Variants in ANKRD36 observed in about 807,000 individuals in gnomAD.
The protein encoded by ANKRD36 is ankyrin repeat domain-containing protein 36A.
A neutral mutation model predicts 278.1 loss-of-function variants in ANKRD36; 179 were observed. That is an observed-to-expected ratio of 0.64 (90% CI 0.57 to 0.73). ANKRD36 has a LOEUF of 0.73. Among genes scored for constraint, ANKRD36 ranks in the 30% least tolerant of loss-of-function variants. The pLI, the probability that ANKRD36 is intolerant of heterozygous loss-of-function variation, is 0.00. For synonymous variants in ANKRD36, 320 were observed against 641.1 expected (o/e 0.50, Z 7.57); for missense variants, 1,159 against 1,956.7 (o/e 0.59, Z 7.69).
chr2:97,132,755 G>A (rs1369655123), intron 6 of ANKRD36, among the ~76,000 whole-genome samples: 1 of 152,040 alleles, frequency 6.6e-6, no homozygotes, highest in Non-Finnish European at 1.5e-5. Flanking sequence ...AATTGACTCA[G>A]GGCAAAGGGG....
At position 97,192,192 on chromosome 2, in the gene ANKRD36, G is replaced by T. The variant is rs796202329; in HGVS notation, c.2348-666G>T. Among the ~76,000 whole-genome samples, 114 of 150,414 alleles carry T rather than the reference G, an allele frequency of 7.6e-4. No homozygotes were observed. In the East Asian group the frequency reaches 0.014, roughly 19 times the overall value. On this transcript the variant is annotated intron_variant, in intron 36 of 75. Coordinates refer to ENST00000420699, the MANE Select transcript of ANKRD36 (RefSeq NM_001354587.1). Reference sequence around the variant, plus strand: ...TTTATTGTGGCTAATATATTATCCTGTGGTGCCATGAGTGGATGAAGAAAC... The same window carrying T: ...TTTATTGTGGCTAATATATTATCCTTTGGTGCCATGAGTGGATGAAGAAAC...
chr2:97,195,109 C>G (rs531626709), intron 40 of ANKRD36, among the ~76,000 whole-genome samples, 192 bp downstream of exon 40: 1 of 151,952 alleles, frequency 6.6e-6, no homozygotes, highest in East Asian at 1.9e-4. Flanking sequence ...TAAGATTATA[C>G]GCATCCCCAC....
At chr2:97,145,755 T>C (rs986653901) in intron 10 of ANKRD36, among the ~76,000 whole-genome samples, 5 of 152,022 alleles carry the variant, frequency 3.3e-5, no homozygotes, top group Non-Finnish European at 7.4e-5. Context: ...CTGACAAAAG[T>C]TTCTGAAGGT....
At chr2:97,232,239 A>G (rs917505272) in intron 67 of ANKRD36, among the ~76,000 whole-genome samples, 3 of 150,742 alleles carry the variant, frequency 2.0e-5, no homozygotes, top group African/African-American at 7.3e-5. Context: ...AAAGACATCT[A>G]AGAAAGAAAA....
intron 66 of ANKRD36, among the ~76,000 whole-genome samples, chr2:97,220,789 T>TTTTA (rs2067376044): frequency 1.6e-5 from 2 of 127,212 alleles, no homozygotes; most frequent in East Asian, 3.2e-4. Flanking sequence ...TTTTTTTTTT[T>TTTTA]ATTATACTCT....
chr2:97,191,237 T>C (rs1207458404), intron 36 of ANKRD36, 56 bp downstream of exon 36: 1 of 1,491,122 alleles, frequency 6.7e-7, no homozygotes, highest in East Asian at 2.5e-5. Flanking sequence ...TAAGAATTTC[T>C]CTTTCCTGAA....
chr2:97,261,088 TATC>T (rs1216270335), intron 75 of ANKRD36, among the ~76,000 whole-genome samples: 2 of 124,902 alleles, frequency 1.6e-5, no homozygotes, highest in African/African-American at 7.2e-5. Flanking sequence ...CCATTGTACT[TATC>T]ATTTGTGCAT....
Position 97,211,758 on chromosome 2 carries a change from A to T in ANKRD36, c.3469+17A>T, listed in dbSNP as rs779644710. 2.9e-5 allele frequency: 45 copies of T among 1,563,704 alleles called. No homozygotes were observed. The highest frequency in any genetic ancestry group is 3.5e-5 in the Non-Finnish European group (40 of 1,153,930). ...CTGGGACAGGTAATTTTGCAAACAC[A>T]TTTAATATGATGTTCGGTCAGGGTA... On this transcript the variant is annotated intron_variant, in intron 58 of 75. Transcript: ENST00000420699.
In ANKRD36 at chr2:97,149,160, C is replaced by T. The variant is rs200483301; in HGVS notation, c.1035-135C>T. ...AATTATACCAAGAAATATTATTTAA[C>T]ATGCAGATAACTGAGTTTCCTCAGA... On this transcript the variant is annotated intron_variant, in intron 11 of 75. Transcript: ENST00000420699. The T allele has an allele frequency of 1.8e-4, 121 of 680,566 alleles. 2 individuals are homozygous for T. The Middle Eastern group carries it at 4.0e-3, about 22-fold the overall frequency. The allele number at this position is 680,566 out of a possible 1,614,324, so 42.2% of individuals were successfully genotyped here.
At chr2:97,167,655 T>C in intron 21 of ANKRD36, 40 bp from the exon 22 acceptor site, 1 of 1,395,296 alleles carries the variant, frequency 7.2e-7, no homozygotes, top group African/African-American at 2.9e-5. Context: ...TTGTGATATA[T>C]ACATGACATA....
intron 58 of ANKRD36, chr2:97,212,759 G>T (rs1241555332): frequency 6.0e-6 from 1 of 165,980 alleles, no homozygotes; most frequent in African/African-American, 2.4e-5. Context: ...TTATCCTTTG[G>T]TGCCATGAGT....
intron 44 of ANKRD36, among the ~76,000 whole-genome samples, chr2:97,199,476 A>T (rs1435703836): frequency 6.6e-6 from 1 of 151,922 alleles, no homozygotes; most frequent in African/African-American, 2.4e-5. Context: ...GATACTCCCA[A>T]CAAGACTATT....
intron 36 of ANKRD36, 61 bp downstream of exon 36, chr2:97,191,242 C>A: frequency 1.4e-6 from 2 of 1,479,538 alleles, no homozygotes; most frequent in East Asian, 2.5e-5. Flanking sequence ...ATTTCTCTTT[C>A]CTGAATGAAT....
intron 40 of ANKRD36, 86 bp from the exon 41 acceptor site, chr2:97,196,507 A>T: frequency 6.3e-7 from 1 of 1,583,874 alleles, no homozygotes; most frequent in East Asian, 2.3e-5. Context: ...GCAGGAGGAC[A>T]GAGGTTGATG....
intron 15 of ANKRD36, among the ~76,000 whole-genome samples, chr2:97,155,361 T>A (rs895565044): frequency 6.9e-6 from 1 of 145,272 alleles, no homozygotes; most frequent in Non-Finnish European, 1.6e-5. Context: ...TAGTCCCACC[T>A]ACTCAAGAGT....
intron 46 of ANKRD36, among the ~76,000 whole-genome samples, chr2:97,201,732 C>T (rs1353676805): frequency 1.3e-5 from 2 of 151,926 alleles, no homozygotes; most frequent in Non-Finnish European, 2.9e-5. Context: ...ACTGAAGCAT[C>T]ATCGCAATTG....
At chr2:97,195,958 G>A (rs1425388751) in intron 40 of ANKRD36, among the ~76,000 whole-genome samples, 3 of 151,946 alleles carry the variant, frequency 2.0e-5, no homozygotes, top group African/African-American at 7.2e-5. Context: ...AGAAACATTT[G>A]GAAGGCTAAA....
intron 58 of ANKRD36, 74 bp downstream of exon 58, chr2:97,211,815 C>CG (rs34630797): frequency 6.8e-7 from 1 of 1,464,002 alleles, no homozygotes. Context: ...AATAAAACAG[C>CG]GGGGGGTTCG....
chr2:97,192,963 A>C lies in ANKRD36; in HGVS notation c.2377-18A>C, dbSNP rs766634679. The C allele has an allele frequency of 6.3e-7, 1 of 1,575,028 alleles. No individual in the cohort carries two copies. Among genetic ancestry groups the C allele is most frequent in the African/African-American group, 1.4e-5 (1 of 73,582 alleles). On this transcript the variant is annotated intron_variant, in intron 37 of 75. Coordinates refer to ENST00000420699, the MANE Select transcript of ANKRD36 (RefSeq NM_001354587.1). Reference sequence around the variant, plus strand: ...ACATACTTTATTAATTTATTATTTCATTTGAAATTCCATTCAGGCTACAAG... The same window carrying C: ...ACATACTTTATTAATTTATTATTTCCTTTGAAATTCCATTCAGGCTACAAG...
Sources: gnomAD v4.1 joint callset for allele counts (sites outside exome capture counted in the v4.1 genomes callset) on GRCh38, gnomAD v4.1.1 for gene constraint, MANE v1.5 for transcripts, NCBI Gene and HGNC (gene_info 2026-07-23, HGNC 2026-07-21) for gene names.